Variants in LIMD1 observed in about 807,000 individuals in gnomAD.
The protein encoded by LIMD1 is LIM domain containing 1, also known as LIM domain-containing protein 1.
In LIMD1, 23 loss-of-function variants were observed where a neutral mutation model predicts 58.4. That is an observed-to-expected ratio of 0.39 (90% CI 0.28 to 0.56). The LOEUF (loss-of-function observed/expected upper bound fraction) is 0.56. Among genes scored for constraint, LIMD1 ranks in the 20% least tolerant of loss-of-function variants. The probability of loss-of-function intolerance (pLI) is 0.57; values close to 1 mark genes in which losing one functional copy is unlikely to be tolerated. For missense variants in LIMD1, 838 were observed against 855.5 expected (o/e 0.98, Z 0.25); for synonymous variants, 334 against 345.5 (o/e 0.97, Z 0.37).
chr3:45,654,034 A>G lies in LIMD1; in HGVS notation c.1511-11616A>G, dbSNP rs144133435. Among the ~76,000 whole-genome samples, 329 of 152,300 alleles carry G rather than the reference A, an allele frequency of 2.2e-3. 3 individuals are homozygous for G. Among genetic ancestry groups the G allele is most frequent in the African/African-American group, 7.5e-3 (312 of 41,558 alleles). ...ATATTCTAAAGCTTCCCTAGTCACA[A>G]GTGGCCATCAAGTACTCAAGATATA... On this transcript the variant is annotated intron_variant, in intron 2 of 7. Coordinates refer to ENST00000273317, the MANE Select transcript of LIMD1 (RefSeq NM_014240.3).
chr3:45,660,280 C>A (rs1042261425), intron 2 of LIMD1, among the ~76,000 whole-genome samples: 17 of 151,892 alleles, frequency 1.1e-4, no homozygotes, highest in Non-Finnish European at 4.4e-5. Context: ...GTTTACCCTG[C>A]GGGAATTCCG....
intron 1 of LIMD1, among the ~76,000 whole-genome samples, chr3:45,615,085 A>G (rs1701564056): frequency 6.6e-6 from 1 of 152,168 alleles, no homozygotes; most frequent in African/African-American, 2.4e-5. Context: ...TAAATAGAAG[A>G]GCATACACAT....
intron 7 of LIMD1, 47 bp from the exon 8 acceptor site, chr3:45,676,875 C>G (rs1450207800): frequency 1.9e-6 from 3 of 1,601,208 alleles, no homozygotes; most frequent in Non-Finnish European, 2.6e-6. Context: ...GTCAGTCTTG[C>G]AGTCTGTTTT....
intron 7 of LIMD1, among the ~76,000 whole-genome samples, chr3:45,675,978 C>T (rs115782825): frequency 0.043 from 6,497 of 152,196 alleles, 467 homozygotes; most frequent in African/African-American, 0.15. Context: ...TCCTGCTGGG[C>T]GTGGTGGCTC....
rs776675945 is a variant in LIMD1 at position 45,665,637 on chromosome 3, A to AT, written c.1511-7dup. 2.3e-5 allele frequency: 37 copies of AT among 1,612,284 alleles called. No individual in the cohort carries two copies. The highest frequency in any genetic ancestry group is 6.7e-5 in the Admixed American group (4 of 59,664). On this transcript the variant is annotated splice_polypyrimidine_tract_variant and intron_variant, in intron 2 of 7. Transcript: ENST00000273317. ...TTTCTTTTTTTACCCTGTGTTTGTG[A>AT]TTTTTTCCTTAGGCCGGAAGCTGAG...
intron 2 of LIMD1, among the ~76,000 whole-genome samples, chr3:45,639,466 T>G (rs1431993401): frequency 6.6e-6 from 1 of 152,158 alleles, no homozygotes. Flanking sequence ...CAGTTCTAGA[T>G]GCTGGAAAGT....
intron 4 of LIMD1, among the ~76,000 whole-genome samples, chr3:45,669,554 G>C (rs1697563705): frequency 6.6e-6 from 1 of 152,036 alleles, no homozygotes; most frequent in Non-Finnish European, 1.5e-5. Flanking sequence ...CCAAACTCCA[G>C]AAAGTTCCTT....
intron 1 of LIMD1, among the ~76,000 whole-genome samples, chr3:45,602,277 C>T (rs1701422931): frequency 6.6e-6 from 1 of 152,246 alleles, no homozygotes; most frequent in African/African-American, 2.4e-5. Context: ...TCCCCTGGAC[C>T]TGAAGCCCCT....
intron 2 of LIMD1, among the ~76,000 whole-genome samples, chr3:45,655,572 G>T (rs546918823): frequency 1.3e-5 from 2 of 152,154 alleles, no homozygotes; most frequent in South Asian, 4.1e-4. Flanking sequence ...TGTGGTCCCT[G>T]GACTAGCACC....
At chr3:45,638,720 CCTAA>C (rs760897531) in intron 2 of LIMD1, among the ~76,000 whole-genome samples, 3 of 152,264 alleles carry the variant, frequency 2.0e-5, no homozygotes, top group Middle Eastern at 3.4e-3. Flanking sequence ...TGAGAAATCT[CCTAA>C]CTGTTTTCCA....
chr3:45,623,949 C>T (rs911267531), intron 1 of LIMD1, among the ~76,000 whole-genome samples: 2 of 152,168 alleles, frequency 1.3e-5, no homozygotes, highest in African/African-American at 4.8e-5. Context: ...AGGAGCCCAG[C>T]AGCAGCCACC....
chr3:45,685,960 C>T lies in LIMD1; in HGVS notation c.*8901C>T, dbSNP rs1697803697. ...GACTCCATCTTGGCTCTTTCACTGG[C>T]ACCCCTTCCTCAAGGACTTAACTTG... On this transcript the variant is annotated 3_prime_UTR_variant, in exon 8 of 8. Coordinates refer to ENST00000273317, the MANE Select transcript of LIMD1 (RefSeq NM_014240.3). The T allele has an allele frequency of 6.6e-6, 1 of 152,218 alleles. No individual in the cohort carries two copies. The highest frequency in any genetic ancestry group is 1.5e-5 in the Non-Finnish European group (1 of 68,046). The allele number at this position is 152,218 out of a possible 1,614,324, so 9.4% of individuals were successfully genotyped here. A position where few individuals can be genotyped will look rare whatever the true frequency, so the allele number is the denominator to read the frequency against.
intron 2 of LIMD1, among the ~76,000 whole-genome samples, chr3:45,663,612 A>G (rs1416885118): frequency 1.3e-5 from 2 of 152,172 alleles, no homozygotes; most frequent in African/African-American, 4.8e-5. Context: ...CTAAGGTATA[A>G]CAGGTTTTCT....
At chr3:45,609,123 C>T (rs1263769887) in intron 1 of LIMD1, among the ~76,000 whole-genome samples, 1 of 152,142 alleles carries the variant, frequency 6.6e-6, no homozygotes, top group Non-Finnish European at 1.5e-5. Context: ...GTAGCTGTGC[C>T]AATTTTCACC....
rs553757543 is a variant in LIMD1 at position 45,663,868 on chromosome 3, A to ATTTTTTTTTTT, written c.1511-1772_1511-1762dup. On this transcript the variant is annotated intron_variant, in intron 2 of 7. Coordinates refer to ENST00000273317, the MANE Select transcript of LIMD1 (RefSeq NM_014240.3). ...TAGTGCGTGGCACCATGCCTGGCTA[A>ATTTTTTTTTTT]TTTTTTTTTTTTTTTTTTTTGAGAC... Among the ~76,000 whole-genome samples, 109 of 102,836 alleles carry ATTTTTTTTTTT rather than the reference A, an allele frequency of 1.1e-3. 10 individuals carry two copies. Among genetic ancestry groups the ATTTTTTTTTTT allele is most frequent in the African/African-American group, 3.8e-3 (89 of 23,336 alleles). The allele number at this position is 102,836 out of a possible 152,430, so 67.5% of individuals were successfully genotyped here.
At chr3:45,647,824 C>T (rs527533576) in intron 2 of LIMD1, among the ~76,000 whole-genome samples, 1 of 152,304 alleles carries the variant, frequency 6.6e-6, no homozygotes, top group African/African-American at 2.4e-5. Context: ...TATCCCCCTC[C>T]TCCGCTGCCC....
intron 2 of LIMD1, among the ~76,000 whole-genome samples, chr3:45,649,612 C>T (rs1425402351): frequency 6.7e-6 from 1 of 148,708 alleles, no homozygotes; most frequent in Non-Finnish European, 1.5e-5. Context: ...ACGCAGGAGG[C>T]AGAGCTTGCA....
intron 2 of LIMD1, among the ~76,000 whole-genome samples, chr3:45,638,663 C>T (rs1447151397): frequency 1.3e-5 from 2 of 152,154 alleles, no homozygotes; most frequent in East Asian, 3.8e-4. Context: ...CATATATATC[C>T]AGTAATGGGA....
chr3:45,653,907 CAAAAAAAAAAA>C (rs35185922), intron 2 of LIMD1, among the ~76,000 whole-genome samples: 10 of 74,884 alleles, frequency 1.3e-4, no homozygotes, highest in Non-Finnish European at 2.5e-4. Context: ...AAGACTGTCT[CAAAAAAAAAAA>C]AAAAAAAAGA....
Sources: gnomAD v4.1 joint callset for allele counts (sites outside exome capture counted in the v4.1 genomes callset) on GRCh38, gnomAD v4.1.1 for gene constraint, MANE v1.5 for transcripts, NCBI Gene and HGNC (gene_info 2026-07-23, HGNC 2026-07-21) for gene names.